Variants in MICAL3 observed in about 807,000 individuals in gnomAD.
MICAL3 encodes microtubule associated monooxygenase, calponin and LIM domain containing 3.
MICAL3 carries 62 observed loss-of-function variants against 207.4 expected under a neutral mutation model. That is an observed-to-expected ratio of 0.30 (90% confidence interval 0.24 to 0.37). The LOEUF (loss-of-function observed/expected upper bound fraction) is 0.37, where lower values mean the gene tolerates loss of function less well. Among genes scored for constraint, MICAL3 ranks in the 10% least tolerant of loss-of-function variants. The pLI is 1.00. For missense variants in MICAL3, 2,368 were observed against 2,635.6 expected (o/e 0.90, Z 2.22); for synonymous variants, 1,077 against 1,069.3 (o/e 1.01, Z -0.14).
At chr22:17,953,139 C>T (rs1192519053) in intron 1 of MICAL3, among the ~76,000 whole-genome samples, 1 of 152,220 alleles carries the variant, frequency 6.6e-6, no homozygotes, top group African/African-American at 2.4e-5. Flanking sequence ...CCATATCTTT[C>T]CTCGATCAGA....
intron 5 of MICAL3, among the ~76,000 whole-genome samples, chr22:17,901,229 G>T (rs1020677434): frequency 1.3e-5 from 2 of 152,172 alleles, no homozygotes; most frequent in African/African-American, 4.8e-5. Flanking sequence ...AATCTGACTG[G>T]CCAGAATATT....
chr22:17,903,934 G>A (rs2146262746), intron 3 of MICAL3, among the ~76,000 whole-genome samples: 1 of 152,346 alleles, frequency 6.6e-6, no homozygotes, highest in South Asian at 2.1e-4. Context: ...AACGCACACT[G>A]TCTGTTCTGA....
chr22:17,949,113 G>A (rs1934214575), intron 1 of MICAL3, among the ~76,000 whole-genome samples: 1 of 151,344 alleles, frequency 6.6e-6, no homozygotes, highest in African/African-American at 2.4e-5. Flanking sequence ...AGGAGGCTGA[G>A]GTGGGAGGAT....
intron 1 of MICAL3, among the ~76,000 whole-genome samples, chr22:17,907,338 G>C (rs1569128484): frequency 6.6e-6 from 1 of 152,214 alleles, no homozygotes; most frequent in African/African-American, 2.4e-5. Context: ...ACAGGCCTGA[G>C]TGACTCGTAC....
chr22:17,847,917 G>A (rs914294954), intron 19 of MICAL3, among the ~76,000 whole-genome samples: 1 of 152,022 alleles, frequency 6.6e-6, no homozygotes, highest in South Asian at 2.1e-4. Context: ...CTCCCAGCTC[G>A]GCCTCCCAAG....
intron 16 of MICAL3, chr22:17,876,326 G>A (rs994426695): frequency 6.6e-6 from 1 of 152,236 alleles, no homozygotes; most frequent in Non-Finnish European, 1.5e-5. Context: ...ACTATTTACA[G>A]GTGGGAAGGA....
intron 23 of MICAL3, 117 bp from the exon 24 acceptor site, chr22:17,822,287 T>C (rs1243748439): frequency 2.3e-6 from 3 of 1,301,836 alleles, no homozygotes; most frequent in Non-Finnish European, 2.1e-6. Flanking sequence ...GGTGCAGGCC[T>C]GGAGGCCCTT....
intron 18 of MICAL3, 66 bp downstream of exon 18, chr22:17,865,858 C>G: frequency 1.4e-6 from 2 of 1,392,142 alleles, no homozygotes; most frequent in South Asian, 1.2e-5. Flanking sequence ...TGGCCGCCCC[C>G]GGCCCATAGC....
intron 20 of MICAL3, 48 bp from the exon 21 acceptor site, chr22:17,832,155 T>C (rs1164406095): frequency 6.5e-7 from 1 of 1,543,456 alleles, no homozygotes; most frequent in Admixed American, 2.0e-5. Context: ...GAAGAAAAAC[T>C]GAGAAGGGGA....
rs142085772 is a variant in MICAL3 at position 17,864,735 on chromosome 22, G to A, written c.2605+164C>T. On this transcript the variant is annotated intron_variant, in intron 19 of 31. Transcript: ENST00000441493. ...ACAGGCCATAGAGAAAGGGGACTCC[G>A]AACGCAAGCAGCTGGCACATGAAAA... is the stretch of plus-strand genomic sequence containing the variant. The A allele has an allele frequency of 3.9e-5, 63 of 1,613,644 alleles. No individual in the cohort carries two copies. In the East Asian group the frequency reaches 1.2e-3, roughly 30 times the overall value.
At chr22:18,008,887 A>G (rs1451294273) in intron 1 of MICAL3, among the ~76,000 whole-genome samples, 1 of 151,442 alleles carries the variant, frequency 6.6e-6, no homozygotes, top group East Asian at 2.0e-4. Flanking sequence ...GAGCACCACT[A>G]CACTCCAGCC....
intron 1 of MICAL3, among the ~76,000 whole-genome samples, chr22:17,929,559 TTTTC>T (rs1933123732): frequency 9.6e-6 from 1 of 104,408 alleles, no homozygotes; most frequent in African/African-American, 4.1e-5. Context: ...CTTTCTTTCC[TTTTC>T]TTTTCTTTTT....
chr22:18,002,417 A>C (rs1923098344), intron 1 of MICAL3, among the ~76,000 whole-genome samples: 1 of 151,740 alleles, frequency 6.6e-6, no homozygotes. Flanking sequence ...AGCAGATCAC[A>C]AGGTCAGGAG....
At chr22:17,912,002 C>T (rs1337844703) in intron 1 of MICAL3, among the ~76,000 whole-genome samples, 1 of 152,030 alleles carries the variant, frequency 6.6e-6, no homozygotes, top group Non-Finnish European at 1.5e-5. Context: ...CTGAGTAGTC[C>T]TGGTATCCTT....
intron 1 of MICAL3, among the ~76,000 whole-genome samples, chr22:17,944,175 G>A (rs1010007371): frequency 5.9e-5 from 9 of 152,194 alleles, no homozygotes; most frequent in Non-Finnish European, 1.0e-4. Flanking sequence ...GACTTTGGTT[G>A]ACATGGACAT....
intron 1 of MICAL3, among the ~76,000 whole-genome samples, chr22:17,960,092 A>G (rs1012849630): frequency 1.3e-5 from 2 of 152,230 alleles, no homozygotes; most frequent in African/African-American, 4.8e-5. Flanking sequence ...CACAGAAAGC[A>G]GCACCACAGT....
At chr22:17,829,328 G>A (rs1409142560) in intron 21 of MICAL3, among the ~76,000 whole-genome samples, 2 of 152,082 alleles carry the variant, frequency 1.3e-5, no homozygotes, top group African/African-American at 2.4e-5. Flanking sequence ...CACCATGCCC[G>A]ACTAATTTTT....
At chr22:17,901,844 G>T in intron 5 of MICAL3, 34 bp downstream of exon 5, 2 of 1,549,218 alleles carry the variant, frequency 1.3e-6, no homozygotes, top group Non-Finnish European at 8.9e-7. Context: ...CTTTCCCTCT[G>T]CTATGAGCCA....
intron 1 of MICAL3, among the ~76,000 whole-genome samples, chr22:17,985,177 G>GACCCC (rs1936096192): frequency 6.6e-6 from 1 of 152,172 alleles, no homozygotes; most frequent in East Asian, 1.9e-4. Context: ...CTGTCCCACA[G>GACCCC]TCCTGAGGCA....
Sources: allele counts gnomAD v4.1 joint callset (sites outside exome capture counted in the v4.1 genomes callset), GRCh38; gene constraint gnomAD v4.1.1; transcripts MANE v1.5; gene names NCBI Gene and HGNC (gene_info 2026-07-23, HGNC 2026-07-21).